TACR1: variants seen among roughly 807,000 people sequenced by gnomAD.
TACR1 encodes tachykinin receptor 1.
In TACR1, 25 loss-of-function variants were observed where a neutral mutation model predicts 35.8. The ratio of observed to expected loss-of-function variants is 0.70; its 90% CI spans 0.51 to 0.98. The LOEUF (loss-of-function observed/expected upper bound fraction) is 0.98, where lower values mean the gene tolerates loss of function less well. Ranked by LOEUF, TACR1 falls within the 50% of genes least tolerant of loss-of-function variation. The pLI is 0.00. For missense variants in TACR1, 478 were observed against 522.9 expected (o/e 0.91, Z 0.84); for synonymous variants, 195 against 206.7 (o/e 0.94, Z 0.48).
In TACR1 at chr2:75,074,135, G is replaced by C. The variant is rs577406639; in HGVS notation, c.585-20380C>G. Reference sequence around the variant, plus strand: ...GTAATACTATTTACGAAATGGAAATGAAAAATCAAAATATTTTCACAAGCG... The same window carrying C: ...GTAATACTATTTACGAAATGGAAATCAAAAATCAAAATATTTTCACAAGCG... On this transcript the variant is annotated intron_variant, in intron 2 of 4. Transcript: ENST00000305249. Among the ~76,000 whole-genome samples, 3 of 152,264 alleles carry C rather than the reference G, an allele frequency of 2.0e-5. No homozygotes were observed. The South Asian group carries it at 6.2e-4, about 32-fold the overall frequency.
chr2:75,094,859 A>ATATATATATTTTTTTT, intron 2 of TACR1, among the ~76,000 whole-genome samples: 4 of 113,134 alleles, frequency 3.5e-5, no homozygotes, highest in African/African-American at 1.9e-4. Flanking sequence ...ATATATATAT[A>ATATATATATTTTTTTT]TTTTTTTTTT....
chr2:75,081,356 C>T (rs1673082805), intron 2 of TACR1, among the ~76,000 whole-genome samples: 1 of 152,194 alleles, frequency 6.6e-6, no homozygotes, highest in Non-Finnish European at 1.5e-5. Context: ...CAGCCCACCA[C>T]CATATGGTGA....
At chr2:75,167,768 A>T (rs1246280557) in intron 1 of TACR1, among the ~76,000 whole-genome samples, 1 of 152,210 alleles carries the variant, frequency 6.6e-6, no homozygotes, top group African/African-American at 2.4e-5. Flanking sequence ...ATTAAGAAAA[A>T]ATAACCAACT....
At chr2:75,117,107 CTCA>C (rs1410047226) in intron 2 of TACR1, among the ~76,000 whole-genome samples, 1 of 148,754 alleles carries the variant, frequency 6.7e-6, no homozygotes, top group Non-Finnish European at 1.5e-5. Flanking sequence ...TGTGTGCCTC[CTCA>C]TAATATTTAT....
chr2:75,156,865 T>C (rs1009153851), intron 1 of TACR1, among the ~76,000 whole-genome samples: 1 of 152,230 alleles, frequency 6.6e-6, no homozygotes, highest in Non-Finnish European at 1.5e-5. Context: ...TGTCTAGTTT[T>C]CTTCTAAATG....
In TACR1 at chr2:75,120,554, GGGGAGT is replaced by G. The variant is rs1673946655; in HGVS notation, c.584+14_584+19del. 2 of 1,570,854 alleles carry G rather than the reference GGGGAGT, an allele frequency of 1.3e-6. No individual in the cohort carries two copies. The highest frequency in any genetic ancestry group is 8.7e-7 in the Non-Finnish European group (1 of 1,153,660). On this transcript the variant is annotated intron_variant, in intron 2 of 4. Coordinates refer to ENST00000305249, the MANE Select transcript of TACR1 (RefSeq NM_001058.4). ...GCCTGCACCATCGTTTCTTTGGCATGGGGAGTCATCTCTACTCACACTTTCTCATAA... is the reference window on the plus strand; with the variant it reads ...GCCTGCACCATCGTTTCTTTGGCATGCATCTCTACTCACACTTTCTCATAA...
chr2:75,064,515 G>C (rs1301169952), intron 2 of TACR1, among the ~76,000 whole-genome samples: 1 of 152,046 alleles, frequency 6.6e-6, no homozygotes, highest in Non-Finnish European at 1.5e-5. Context: ...AATATAAAGA[G>C]TACAGGTAAC....
At chr2:75,120,543 T>G in intron 2 of TACR1, 31 bp downstream of exon 2, 1 of 1,552,476 alleles carries the variant, frequency 6.4e-7, no homozygotes, top group South Asian at 1.2e-5. Flanking sequence ...GCACCATCGT[T>G]TCTTTGGCAT....
intron 2 of TACR1, among the ~76,000 whole-genome samples, chr2:75,059,159 A>G (rs1318703706): frequency 6.6e-6 from 1 of 152,144 alleles, no homozygotes; most frequent in African/African-American, 2.4e-5. Flanking sequence ...TAGAATCCCA[A>G]CCCCAATCCA....
intron 1 of TACR1, among the ~76,000 whole-genome samples, chr2:75,170,871 G>C (rs1013808243): frequency 1.3e-5 from 2 of 152,156 alleles, no homozygotes; most frequent in Admixed American, 1.3e-4. Flanking sequence ...ATTGGGTACT[G>C]TTCAAAGGAT....
intron 1 of TACR1, among the ~76,000 whole-genome samples, chr2:75,176,053 C>G (rs1326704047): frequency 2.0e-5 from 3 of 149,498 alleles, no homozygotes; most frequent in Non-Finnish European, 4.5e-5. Context: ...AAAAGAAACC[C>G]CACTCTTGTA....
intron 1 of TACR1, among the ~76,000 whole-genome samples, chr2:75,161,630 G>C (rs1675011924): frequency 6.6e-6 from 1 of 152,034 alleles, no homozygotes; most frequent in Non-Finnish European, 1.5e-5. Context: ...AGTCCATATA[G>C]TAAAGGAGGT....
At position 75,178,999 on chromosome 2, in the gene TACR1, A is replaced by G. The variant is rs548403668; in HGVS notation, c.389+19547T>C. Among the ~76,000 whole-genome samples the G allele has an allele frequency of 3.2e-4, 48 of 152,332 alleles. No individual in the cohort carries two copies. In the South Asian group the frequency reaches 4.6e-3, roughly 14 times the overall value. ...ATATGTCAATAAGTCCCACATCTGT[A>G]TCCCAGACATTATTGCTCTCCTGAA... On this transcript the variant is annotated intron_variant, in intron 1 of 4. Coordinates refer to ENST00000305249, the MANE Select transcript of TACR1 (RefSeq NM_001058.4).
Position 75,055,435 on chromosome 2 carries a change from A to G in TACR1, c.585-1680T>C, listed in dbSNP as rs149215256. On this transcript the variant is annotated intron_variant, in intron 2 of 4. Coordinates refer to ENST00000305249, the MANE Select transcript of TACR1 (RefSeq NM_001058.4). ...CCTTTGGGAGCCTCAGGGCTCTCCA[A>G]CCACTATGGCAGGGACAGCATATTG... Among the ~76,000 whole-genome samples, 899 of 152,230 alleles carry G rather than the reference A, an allele frequency of 5.9e-3. 29 individuals are homozygous for G. Among genetic ancestry groups the G allele is most frequent in the Admixed American group, 0.052 (798 of 15,290 alleles).
intron 1 of TACR1, among the ~76,000 whole-genome samples, chr2:75,155,718 G>A (rs1674834073): frequency 6.6e-6 from 1 of 152,224 alleles, no homozygotes; most frequent in Non-Finnish European, 1.5e-5. Context: ...ACAAGAGAGA[G>A]AGTTTTAAAA....
chr2:75,163,595 CAG>C (rs780776375), intron 1 of TACR1, among the ~76,000 whole-genome samples: 1 of 152,078 alleles, frequency 6.6e-6, no homozygotes, highest in East Asian at 1.9e-4. Flanking sequence ...GAAATAGAAA[CAG>C]TGAACTCTGA....
intron 1 of TACR1, among the ~76,000 whole-genome samples, chr2:75,135,801 C>A (rs1175789428): frequency 6.6e-6 from 1 of 152,122 alleles, no homozygotes; most frequent in Non-Finnish European, 1.5e-5. Flanking sequence ...TATTGGGCCT[C>A]CTCCAGAGTT....
intron 1 of TACR1, among the ~76,000 whole-genome samples, chr2:75,121,891 A>G (rs1459140894): frequency 2.0e-5 from 3 of 152,210 alleles, no homozygotes; most frequent in Non-Finnish European, 2.9e-5. Context: ...ATCTGCAAAG[A>G]GTAGCAGAGC....
intron 2 of TACR1, among the ~76,000 whole-genome samples, chr2:75,119,498 A>T (rs1171452394): frequency 6.6e-6 from 1 of 152,236 alleles, no homozygotes; most frequent in East Asian, 1.9e-4. Context: ...CACATTATCC[A>T]TGTGCTCTGA....
Sources: gnomAD v4.1 joint callset for allele counts (sites outside exome capture counted in the v4.1 genomes callset) on GRCh38, gnomAD v4.1.1 for gene constraint, MANE v1.5 for transcripts, NCBI Gene and HGNC (gene_info 2026-07-23, HGNC 2026-07-21) for gene names.